Variants in WDPCP observed in about 807,000 individuals in gnomAD.
WDPCP encodes WD repeat-containing and planar cell polarity effector protein fritz homolog.
In WDPCP, 71 loss-of-function variants were observed where a neutral mutation model predicts 93.1. The ratio of observed to expected loss-of-function variants is 0.76; its 90% CI spans 0.63 to 0.93. WDPCP has a LOEUF of 0.93. WDPCP is among the 40% of genes least tolerant of loss of function. The pLI is 0.00. For missense variants in WDPCP, 844 were observed against 887.4 expected, an observed-to-expected ratio of 0.95 and a Z score of 0.62; for synonymous variants, 315 against 315.0, an observed-to-expected ratio of 1.00 and a Z score of 0.00.
chr2:63,436,966 T>C (rs192566813), intron 8 of WDPCP, among the ~76,000 whole-genome samples: 95 of 152,118 alleles, frequency 6.2e-4, no homozygotes, highest in Middle Eastern at 6.8e-3. Context: ...GGAGGGTTCT[T>C]CCCCCTCCTT....
At chr2:63,214,018 T>A (rs1451936428) in intron 14 of WDPCP, among the ~76,000 whole-genome samples, 4 of 152,156 alleles carry the variant, frequency 2.6e-5, no homozygotes, top group Non-Finnish European at 4.4e-5. Flanking sequence ...ACCAGATGGA[T>A]TCACAGCCGA....
upstream of WDPCP, chr2:63,589,260 G>A: frequency 6.4e-7 from 1 of 1,551,870 alleles, no homozygotes; most frequent in South Asian, 1.2e-5. Context: ...GCTCTTAGGA[G>A]GACTCTGGAG....
At chr2:63,448,184 CCTT>C (rs984427013) in intron 6 of WDPCP, among the ~76,000 whole-genome samples, 42 of 152,150 alleles carry the variant, frequency 2.8e-4, no homozygotes, top group African/African-American at 9.9e-4. Flanking sequence ...TAATATACCT[CCTT>C]GTCCATTCTC....
At chr2:63,427,846 AAAAG>A (rs1696436886) in intron 9 of WDPCP, among the ~76,000 whole-genome samples, 1 of 152,146 alleles carries the variant, frequency 6.6e-6, no homozygotes, top group South Asian at 2.1e-4. Context: ...TAATAAGACA[AAAAG>A]AAAGAAGATC....
At chr2:63,252,488 C>T (rs1364066831) in intron 14 of WDPCP, among the ~76,000 whole-genome samples, 2 of 152,110 alleles carry the variant, frequency 1.3e-5, no homozygotes, top group African/African-American at 4.8e-5. Context: ...AAGATTATCT[C>T]TCTTTGCTGA....
chr2:63,513,871 A>G (rs958872354), intron 1 of WDPCP, among the ~76,000 whole-genome samples: 1 of 152,144 alleles, frequency 6.6e-6, no homozygotes, highest in South Asian at 2.1e-4. Flanking sequence ...TTAGGTCTTC[A>G]TTTCTGAAAG....
At chr2:63,745,914 T>C (rs1289416279) in intron 2 of WDPCP, among the ~76,000 whole-genome samples, 1 of 152,144 alleles carries the variant, frequency 6.6e-6, no homozygotes, top group African/African-American at 2.4e-5. Context: ...GATCAACCCA[T>C]GGTATTGGCT....
rs1558832897 is a variant in WDPCP at position 63,575,467 on chromosome 2, G to GTATGCGCTGTATATA, written c.75+12729_75+12730insTATATACAGCGCATA. Among the ~76,000 whole-genome samples the GTATGCGCTGTATATA allele has an allele frequency of 2.9e-4, 2 of 6,842 alleles. 1 individual carries two copies. The highest frequency in any genetic ancestry group is 1.2e-3 in the African/African-American group (2 of 1,632). 4.5% of individuals were successfully genotyped at this position (6,842 alleles called of 152,430 possible). ...TATACACTGTATATACAGTATATATGCAGTATATACAGTGTATATATAGTA... is the reference window on the plus strand; with the variant it reads ...TATACACTGTATATACAGTATATATGTATGCGCTGTATATACAGTATATACAGTGTATATATAGTA... On this transcript the variant is annotated intron_variant, in intron 1 of 17. Coordinates refer to ENST00000272321, the MANE Select transcript of WDPCP (RefSeq NM_015910.7).
chr2:63,733,709 T>C (rs560458535), intron 2 of WDPCP, among the ~76,000 whole-genome samples: 21 of 152,296 alleles, frequency 1.4e-4, no homozygotes, highest in African/African-American at 3.8e-4. Flanking sequence ...CTCTGGAAAA[T>C]CTTCTTCTTG....
At chr2:63,414,265 G>A (rs1225486803) in intron 9 of WDPCP, among the ~76,000 whole-genome samples, 1 of 152,130 alleles carries the variant, frequency 6.6e-6, no homozygotes, top group Admixed American at 6.5e-5. Context: ...GGAAAACAGT[G>A]TGGAGATTCC....
chr2:63,694,687 G>GTTCC (rs1668939539), intron 2 of WDPCP, among the ~76,000 whole-genome samples: 1 of 152,106 alleles, frequency 6.6e-6, no homozygotes, highest in African/African-American at 2.4e-5. Flanking sequence ...ATCTTTAAGA[G>GTTCC]TAGGAAGCAT....
intron 14 of WDPCP, chr2:63,228,408 AT>A (rs1678495858): frequency 2.4e-5 from 2 of 83,480 alleles, no homozygotes; most frequent in Admixed American, 2.4e-4. Context: ...TTTTTTTTGA[AT>A]TTTTTGATTG....
chr2:63,550,707 ATATG>A (rs1160610847), intron 1 of WDPCP, among the ~76,000 whole-genome samples: 4 of 148,060 alleles, frequency 2.7e-5, no homozygotes, highest in Non-Finnish European at 6.1e-5. Context: ...ACATATACAT[ATATG>A]TGTGTATATA....
At chr2:63,237,104 C>T (rs988060177) in intron 14 of WDPCP, among the ~76,000 whole-genome samples, 4 of 151,408 alleles carry the variant, frequency 2.6e-5, no homozygotes, top group Non-Finnish European at 4.4e-5. Flanking sequence ...GACTAATATC[C>T]GGAATCTATA....
intron 15 of WDPCP, among the ~76,000 whole-genome samples, chr2:63,167,332 A>G (rs2103946200): frequency 6.6e-6 from 1 of 152,140 alleles, no homozygotes; most frequent in South Asian, 2.1e-4. Context: ...ATTTTGGTGT[A>G]GTGTCTTGTT....
At chr2:63,597,335 T>C in intron 3 of WDPCP, 1 of 1,311,932 alleles carries the variant, frequency 7.6e-7, no homozygotes, top group African/African-American at 1.5e-5. Flanking sequence ...AGATTCAATA[T>C]GAAAAAGAAA....
chr2:63,334,875 C>T (rs923986695), intron 12 of WDPCP, among the ~76,000 whole-genome samples: 10 of 152,102 alleles, frequency 6.6e-5, no homozygotes, highest in African/African-American at 9.7e-5. Flanking sequence ...AATTTGCCCA[C>T]GAGGAAATTT....
chr2:63,808,740 T>TTGC (rs985264280), intron 2 of WDPCP, among the ~76,000 whole-genome samples: 5 of 152,306 alleles, frequency 3.3e-5, no homozygotes, highest in Admixed American at 3.3e-4. Flanking sequence ...AGTGCCGAGA[T>TTGC]TGCAGCCTCT....
chr2:63,517,815 G>C (rs1183113829), intron 1 of WDPCP: 2 of 152,102 alleles, frequency 1.3e-5, no homozygotes, highest in South Asian at 4.1e-4. Flanking sequence ...TCTGTAGTTA[G>C]ATCTGTTACA....
Sources: gnomAD v4.1 joint callset for allele counts (sites outside exome capture counted in the v4.1 genomes callset) on GRCh38, gnomAD v4.1.1 for gene constraint, MANE v1.5 for transcripts, NCBI Gene and HGNC (gene_info 2026-07-23, HGNC 2026-07-21) for gene names.